The following EDNRB variants were observed in gnomAD, a reference collection of about 807,000 sequenced individuals.
EDNRB encodes the protein Hirschsprung disease 2.
A neutral mutation model predicts 46.4 loss-of-function variants in EDNRB; 18 were observed. The observed-to-expected ratio is 0.39, with a 90% CI of 0.27 to 0.57. The LOEUF is 0.57. EDNRB is among the 20% of genes least tolerant of loss of function. EDNRB has a pLI of 0.61. For missense variants in EDNRB, 434 were observed against 537.5 expected, an observed-to-expected ratio of 0.81 and a Z score of 1.90; for synonymous variants, 213 against 204.9, an observed-to-expected ratio of 1.04 and a Z score of -0.34.
chr13:77,903,431 C>G, intron 2 of EDNRB, 64 bp downstream of exon 2: 27 of 1,610,284 alleles, frequency 1.7e-5, no homozygotes, highest in Non-Finnish European at 2.2e-5. Flanking sequence ...AGTTTATTTT[C>G]TAAGTAACAT....
At chr13:77,915,563 A>C (rs1160656091) in intron 1 of EDNRB, among the ~76,000 whole-genome samples, 3 of 152,128 alleles carry the variant, frequency 2.0e-5, no homozygotes, top group African/African-American at 7.2e-5. Flanking sequence ...TTACTTCTTC[A>C]CCTCTCTGAC....
intron 5 of EDNRB, 52 bp from the exon 6 acceptor site, chr13:77,900,019 G>A: frequency 6.9e-7 from 1 of 1,448,936 alleles, no homozygotes; most frequent in Non-Finnish European, 9.7e-7. Flanking sequence ...TTCTGAACAT[G>A]TAGTCATTGT....
Position 77,897,101 on chromosome 13 carries a change from A to T in EDNRB, c.*1099T>A. On this transcript the variant is annotated 3_prime_UTR_variant, in exon 7 of 7. Coordinates refer to ENST00000646607, the MANE Select transcript of EDNRB (RefSeq NM_001122659.3). ...TGCTAGAAACCATTTTAACCACAGCATGGGTGAGAGAGGGTGCTACCTGCC... is the reference window on the plus strand; with the variant it reads ...TGCTAGAAACCATTTTAACCACAGCTTGGGTGAGAGAGGGTGCTACCTGCC... The T allele has an allele frequency of 4.1e-6, 4 of 985,816 alleles. No individual in the cohort carries two copies. The highest frequency in any genetic ancestry group is 4.8e-6 in the Non-Finnish European group (4 of 830,272). 61.1% of individuals were successfully genotyped at this position (985,816 alleles called of 1,614,324 possible). A position where few individuals can be genotyped will look rare whatever the true frequency, so the allele number is the denominator to read the frequency against.
intron 1 of EDNRB, among the ~76,000 whole-genome samples, chr13:77,905,982 T>A (rs1273230875): frequency 1.3e-5 from 2 of 152,098 alleles, no homozygotes; most frequent in African/African-American, 4.8e-5. Context: ...GAGATCACTG[T>A]TGCTGCCCAG....
In EDNRB at chr13:77,903,633, G is replaced by C. The variant is rs868199948; in HGVS notation, c.484-26C>G. ...CTGCATTGAGAAGACACGAAGCTCT[G>C]TTAGGGGGTTTCATAAGATGCCCTC... is the stretch of plus-strand genomic sequence containing the variant. On this transcript the variant is annotated intron_variant, in intron 1 of 6. Transcript: ENST00000646607. 19 of 1,598,762 alleles carry C rather than the reference G, an allele frequency of 1.2e-5. 1 individual carries two copies. In the Middle Eastern group the frequency reaches 3.0e-3, roughly 252 times the overall value.
At chr13:77,926,684 G>GTGTT (rs1555292649) in intron 1 of EDNRB, among the ~76,000 whole-genome samples, 1 of 152,104 alleles carries the variant, frequency 6.6e-6, no homozygotes, top group Non-Finnish European at 1.5e-5. Context: ...CCACCTCTGC[G>GTGTT]TGTTATCCAG....
chr13:77,962,069 G>T (rs1881431741), intron 1 of EDNRB, among the ~76,000 whole-genome samples: 1 of 152,138 alleles, frequency 6.6e-6, no homozygotes, highest in Non-Finnish European at 1.5e-5. Flanking sequence ...ACCCTCCTAA[G>T]ACTAAACCAG....
At chr13:77,912,857 G>A (rs568788597) in intron 1 of EDNRB, among the ~76,000 whole-genome samples, 1 of 152,140 alleles carries the variant, frequency 6.6e-6, no homozygotes, top group African/African-American at 2.4e-5. Context: ...TCAGTTACTT[G>A]ACTGGAAATG....
At chr13:77,973,665 T>A (rs1312922179) in intron 1 of EDNRB, among the ~76,000 whole-genome samples, 2 of 152,120 alleles carry the variant, frequency 1.3e-5, no homozygotes, top group East Asian at 3.8e-4. Context: ...TAAAAGTATA[T>A]TTTACTTTTT....
intron 1 of EDNRB, among the ~76,000 whole-genome samples, chr13:77,953,044 A>C (rs1566334816): frequency 6.6e-6 from 1 of 152,210 alleles, no homozygotes; most frequent in Non-Finnish European, 1.5e-5. Context: ...AGAGAAAGAA[A>C]GAACAACCAT....
chr13:77,914,036 A>G (rs1879698968), intron 1 of EDNRB, among the ~76,000 whole-genome samples: 1 of 152,248 alleles, frequency 6.6e-6, no homozygotes, highest in Admixed American at 6.5e-5. Context: ...GATAAACATT[A>G]ATATGCATTT....
Position 77,959,469 on chromosome 13 carries a change from C to T in EDNRB, c.-52+15878G>A, listed in dbSNP as rs186939053. On this transcript the variant is annotated intron_variant, in intron 1 of 7. Transcript: ENST00000646948. ...CTTCCAGCAAACTCCAACAGACCTGCAGCTGAGGGTCCTGACTGTTAGAAG... is the reference window on the plus strand; with the variant it reads ...CTTCCAGCAAACTCCAACAGACCTGTAGCTGAGGGTCCTGACTGTTAGAAG... 2.2e-4 allele frequency among the ~76,000 whole-genome samples: 34 copies of T among 152,350 alleles called. No homozygotes were observed. The East Asian group carries it at 6.0e-3, about 27-fold the overall frequency.
intron 1 of EDNRB, among the ~76,000 whole-genome samples, chr13:77,963,684 C>T (rs1341527580): frequency 6.6e-6 from 1 of 152,196 alleles, no homozygotes. Flanking sequence ...AAATCCTAGG[C>T]AATACCATTC....
chr13:77,897,141 A>G lies in EDNRB; in HGVS notation c.*1059T>C. 1.0e-6 allele frequency: 1 copy of G among 985,724 alleles called. No individual in the cohort carries two copies. Among genetic ancestry groups the G allele is most frequent in the African/African-American group, 1.7e-5 (1 of 57,330 alleles). 61.1% of individuals were successfully genotyped at this position (985,724 alleles called of 1,614,324 possible). Reference sequence around the variant, plus strand: ...TGCTACCTGCCCCTTTGTCATGTGGACACTGCACCAGGCAGTTCACAGTCT... The same window carrying G: ...TGCTACCTGCCCCTTTGTCATGTGGGCACTGCACCAGGCAGTTCACAGTCT... On this transcript the variant is annotated 3_prime_UTR_variant, in exon 7 of 7. Transcript: ENST00000646607.
intron 3 of EDNRB, among the ~76,000 whole-genome samples, chr13:77,902,677 A>T (rs368562964): frequency 1.9e-4 from 29 of 152,034 alleles, no homozygotes; most frequent in African/African-American, 6.5e-4. Flanking sequence ...GTCCAACCCT[A>T]CCCAATAGGG....
At chr13:77,934,690 G>T (rs866383609) in intron 1 of EDNRB, among the ~76,000 whole-genome samples, 93 of 147,804 alleles carry the variant, frequency 6.3e-4, no homozygotes, top group African/African-American at 1.6e-3. Context: ...GGGGGGGGGG[G>T]GCCTGAATAG....
rs1878716650 is a variant in EDNRB at position 77,897,911 on chromosome 13, T to C, written c.*289A>G. On this transcript the variant is annotated 3_prime_UTR_variant, in exon 7 of 7. Coordinates refer to ENST00000646607, the MANE Select transcript of EDNRB (RefSeq NM_001122659.3). ...TGAGCTCATTTTTAAGCCTAAGTGT[T>C]GTGTGAATATCCTGGAAGTTGTTAA... The C allele has an allele frequency of 8.8e-7, 1 of 1,142,462 alleles. No individual in the cohort carries two copies. The allele number at this position is 1,142,462 out of a possible 1,614,324, so 70.8% of individuals were successfully genotyped here.
chr13:77,974,355 A>G (rs1236633771), intron 1 of EDNRB, among the ~76,000 whole-genome samples: 1 of 152,174 alleles, frequency 6.6e-6, no homozygotes. Flanking sequence ...TTGCTGCTAC[A>G]GATTGAATGC....
intron 1 of EDNRB, among the ~76,000 whole-genome samples, chr13:77,945,890 A>T (rs1021423578): frequency 3.3e-5 from 5 of 151,560 alleles, no homozygotes; most frequent in African/African-American, 1.2e-4. Flanking sequence ...AAAAAAAAAA[A>T]AAACAAAAAA....
Sources: allele counts gnomAD v4.1 joint callset (sites outside exome capture counted in the v4.1 genomes callset), GRCh38; gene constraint gnomAD v4.1.1; transcripts MANE v1.5; gene names NCBI Gene and HGNC (gene_info 2026-07-23, HGNC 2026-07-21).